LAMA4: variants seen among roughly 807,000 people sequenced by gnomAD.
LAMA4 encodes laminin subunit alpha 4.
LAMA4 carries 127 observed loss-of-function variants against 207.1 expected under a neutral mutation model. The observed-to-expected ratio is 0.61, with a 90% CI of 0.53 to 0.71. LAMA4 has a LOEUF of 0.71. LAMA4 is among the 30% of genes least tolerant of loss of function. The probability of loss-of-function intolerance (pLI) is 0.00; values close to 1 mark genes in which losing one functional copy is unlikely to be tolerated. For synonymous variants in LAMA4, 761 were observed against 816.0 expected, an observed-to-expected ratio of 0.93 and a Z score of 1.15; for missense variants, 2,093 against 2,246.5, an observed-to-expected ratio of 0.93 and a Z score of 1.38.
chr6:112,162,144 G>A (rs548878740), intron 13 of LAMA4: 45 of 152,420 alleles, frequency 3.0e-4, no homozygotes, highest in African/African-American at 9.9e-4. Context: ...TTGGACCAAA[G>A]AGCAGCAGTA....
intron 12 of LAMA4, among the ~76,000 whole-genome samples, chr6:112,167,599 G>A (rs1434464894): frequency 6.6e-6 from 1 of 152,178 alleles, no homozygotes; most frequent in Non-Finnish European, 1.5e-5. Flanking sequence ...GTAGTGTTTA[G>A]TAATTTAGAA....
chr6:112,166,700 A>G (rs1384003432), intron 12 of LAMA4, among the ~76,000 whole-genome samples: 1 of 152,228 alleles, frequency 6.6e-6, no homozygotes, highest in Non-Finnish European at 1.5e-5. Context: ...CACTTACCGT[A>G]TATAGCATTA....
In LAMA4 at chr6:112,150,344, T is replaced by C. The variant is rs1780318081; in HGVS notation, c.2173+167A>G. ...ACAGCATTTATATTTAGTTTCTTCT[T>C]TTTGTTTTCTAGAACTTTTTTTTGT... On this transcript the variant is annotated intron_variant, in intron 17 of 38. Transcript: ENST00000230538. 5.0e-5 allele frequency: 35 copies of C among 696,576 alleles called. No homozygotes were observed. The East Asian group carries it at 9.0e-4, about 18-fold the overall frequency. The allele number at this position is 696,576 out of a possible 1,614,324, so 43.1% of individuals were successfully genotyped here. A position where few individuals can be genotyped will look rare whatever the true frequency, so the allele number is the denominator to read the frequency against.
chr6:112,232,663 C>T (rs1360166524), intron 2 of LAMA4, among the ~76,000 whole-genome samples: 1 of 152,104 alleles, frequency 6.6e-6, no homozygotes, highest in Non-Finnish European at 1.5e-5. Context: ...TATTCTGTTA[C>T]AGCACGTTTC....
intron 5 of LAMA4, chr6:112,200,201 G>A (rs1554351770): frequency 1.9e-6 from 1 of 527,976 alleles, no homozygotes; most frequent in Admixed American, 2.0e-5. Flanking sequence ...AAAGCCCAGA[G>A]CAGTTTAGAA....
chr6:112,221,722 C>T (rs1784935986), intron 2 of LAMA4, among the ~76,000 whole-genome samples: 2 of 151,990 alleles, frequency 1.3e-5, no homozygotes, highest in African/African-American at 2.4e-5. Context: ...AAACTGTGTG[C>T]CCTTACTTAA....
At position 112,116,136 on chromosome 6, in the gene LAMA4, A is replaced by G. The variant is rs185802051; in HGVS notation, c.4982-143T>C. 290 of 783,122 alleles carry G rather than the reference A, an allele frequency of 3.7e-4. No homozygotes were observed. In the African/African-American group the frequency reaches 4.6e-3, roughly 13 times the overall value. The allele number at this position is 783,122 out of a possible 1,614,324, so 48.5% of individuals were successfully genotyped here. On this transcript the variant is annotated intron_variant, in intron 35 of 38. Coordinates refer to ENST00000230538, the MANE Select transcript of LAMA4 (RefSeq NM_001105206.3). ...CAGATAAGTAGAAAGTGGCTTTTCC[A>G]TGTCAAACTCACTGTGGAAAGCTCT...
intron 2 of LAMA4, among the ~76,000 whole-genome samples, chr6:112,241,602 A>T (rs1554187769): frequency 6.6e-6 from 1 of 152,162 alleles, no homozygotes; most frequent in African/African-American, 2.4e-5. Context: ...GGTTAATATT[A>T]ATGCCTTCCT....
chr6:112,155,398 A>G lies in LAMA4; in HGVS notation c.1959+167T>C, dbSNP rs1554336683. On this transcript the variant is annotated intron_variant, in intron 15 of 38. Transcript: ENST00000230538. Reference sequence around the variant, plus strand: ...CTACAGCACATCTCGAAGAATCTGCAGACTGAAACCTTCAAGGCATTCATG... The same window carrying G: ...CTACAGCACATCTCGAAGAATCTGCGGACTGAAACCTTCAAGGCATTCATG... 4.3e-6 allele frequency: 3 copies of G among 693,074 alleles called. No individual in the cohort carries two copies. The South Asian group carries it at 5.4e-5, about 12-fold the overall frequency. 42.9% of individuals were successfully genotyped at this position (693,074 alleles called of 1,614,324 possible).
intron 14 of LAMA4, chr6:112,158,316 C>T (rs1780843435): frequency 4.9e-6 from 1 of 206,164 alleles, no homozygotes; most frequent in Non-Finnish European, 9.8e-6. Flanking sequence ...AAAGATAATG[C>T]TGTCTATGAA....
chr6:112,154,566 G>T (rs1263883988), intron 16 of LAMA4, among the ~76,000 whole-genome samples: 1 of 151,998 alleles, frequency 6.6e-6, no homozygotes, highest in Non-Finnish European at 1.5e-5. Context: ...GGTATTTATG[G>T]TAAGTTTCTA....
At chr6:112,194,357 A>G (rs1488351490) in intron 5 of LAMA4, among the ~76,000 whole-genome samples, 7 of 152,222 alleles carry the variant, frequency 4.6e-5, no homozygotes, top group African/African-American at 1.7e-4. Flanking sequence ...TGCTCTCCAT[A>G]GGAGGTCCCC....
chr6:112,214,247 T>G (rs918237378), intron 3 of LAMA4, among the ~76,000 whole-genome samples: 2 of 152,042 alleles, frequency 1.3e-5, no homozygotes, highest in Non-Finnish European at 2.9e-5. Flanking sequence ...TTTTCTTTTT[T>G]TCTTTTGTTT....
intron 12 of LAMA4, 117 bp downstream of exon 12, chr6:112,172,493 TA>T: frequency 1.1e-6 from 1 of 924,002 alleles, no homozygotes; most frequent in Non-Finnish European, 1.7e-6. Flanking sequence ...ACCAATATTT[TA>T]AAATATAAGT....
chr6:112,145,145 A>G (rs1779943427), intron 18 of LAMA4, among the ~76,000 whole-genome samples: 1 of 152,206 alleles, frequency 6.6e-6, no homozygotes, highest in Non-Finnish European at 1.5e-5. Context: ...GGACTCAGCT[A>G]GTTTAGGGCA....
At chr6:112,135,968 G>A (rs1779313412) in intron 25 of LAMA4, 155 bp downstream of exon 25, 1 of 656,814 alleles carries the variant, frequency 1.5e-6, no homozygotes, top group Non-Finnish European at 2.7e-6. Flanking sequence ...TGTTTTCCTA[G>A]GGTTGAGAAG....
In LAMA4 at chr6:112,194,261, G is replaced by T. The variant is rs371671625; in HGVS notation, c.504-2411C>A. On this transcript the variant is annotated intron_variant, in intron 5 of 38. Transcript: ENST00000230538. The stretch of plus-strand genomic sequence containing the variant: ...ATCTACCAGCTCAATGTGTGGCTGG[G>T]AATCTTAAGGTCTGGGAGTGAAGGG... 7.2e-5 allele frequency among the ~76,000 whole-genome samples: 11 copies of T among 152,328 alleles called. No homozygotes were observed. In the South Asian group the frequency reaches 2.1e-3, roughly 29 times the overall value.
At position 112,171,124 on chromosome 6, in the gene LAMA4, A is replaced by C. The variant is rs145000788; in HGVS notation, c.1551+1487T>G. 2.6e-3 allele frequency among the ~76,000 whole-genome samples: 398 copies of C among 152,266 alleles called. 2 individuals carry two copies. The highest frequency in any genetic ancestry group is 9.1e-3 in the African/African-American group (378 of 41,558). Reference sequence around the variant, plus strand: ...CGTTGCAACCTGGTACACATATATAAGGCAGAACCGTGATGAAACCACACC... The same window carrying C: ...CGTTGCAACCTGGTACACATATATACGGCAGAACCGTGATGAAACCACACC... On this transcript the variant is annotated intron_variant, in intron 12 of 38. Transcript: ENST00000230538.
chr6:112,230,443 A>G (rs1785493976), intron 2 of LAMA4, among the ~76,000 whole-genome samples: 1 of 151,940 alleles, frequency 6.6e-6, no homozygotes, highest in South Asian at 2.1e-4. Flanking sequence ...AGATTATTTA[A>G]CTCTAGGCTT....
Sources: gnomAD v4.1 joint callset for allele counts (sites outside exome capture counted in the v4.1 genomes callset) on GRCh38, gnomAD v4.1.1 for gene constraint, MANE v1.5 for transcripts, NCBI Gene and HGNC (gene_info 2026-07-23, HGNC 2026-07-21) for gene names.